Variants in ITPR2 observed in about 807,000 individuals in gnomAD.
ITPR2 encodes the protein inositol 1,4,5-trisphosphate receptor type 2, also known as inositol 1,4,5-trisphosphate-gated calcium channel ITPR2.
A neutral mutation model predicts 317.1 loss-of-function variants in ITPR2; 207 were observed. The observed-to-expected ratio is 0.65, with a 90% CI of 0.58 to 0.73. ITPR2 has a LOEUF of 0.73. Among genes scored for constraint, ITPR2 ranks in the 30% least tolerant of loss-of-function variants. The probability of loss-of-function intolerance (pLI) is 0.00; values close to 1 mark genes in which losing one functional copy is unlikely to be tolerated. For missense variants in ITPR2, 2,613 were observed against 3,284.0 expected, an observed-to-expected ratio of 0.80 and a Z score of 4.99; for synonymous variants, 1,156 against 1,149.1, an observed-to-expected ratio of 1.01 and a Z score of -0.12.
At chr12:26,484,620 A>T (rs1350151809) in intron 41 of ITPR2, among the ~76,000 whole-genome samples, 1 of 152,236 alleles carries the variant, frequency 6.6e-6, no homozygotes, top group Non-Finnish European at 1.5e-5. Context: ...TAGGTACTTC[A>T]ACATGTACCA....
At chr12:26,524,950 G>A (rs985517004) in intron 37 of ITPR2, among the ~76,000 whole-genome samples, 1 of 152,144 alleles carries the variant, frequency 6.6e-6, no homozygotes, top group Non-Finnish European at 1.5e-5. Flanking sequence ...ATTATGGAGT[G>A]AGAACTCAAA....
At chr12:26,561,390 G>C (rs947593046) in intron 35 of ITPR2, among the ~76,000 whole-genome samples, 3 of 152,182 alleles carry the variant, frequency 2.0e-5, no homozygotes, top group African/African-American at 7.2e-5. Flanking sequence ...AGTAATTTGG[G>C]AGCAAGGTGC....
intron 1 of ITPR2, among the ~76,000 whole-genome samples, chr12:26,824,618 G>A (rs1476191323): frequency 6.6e-6 from 1 of 152,048 alleles, no homozygotes; most frequent in Non-Finnish European, 1.5e-5. Flanking sequence ...AGAAATTGAA[G>A]AGTCCTTAAA....
chr12:26,736,321 A>C (rs1949117568), intron 2 of ITPR2, among the ~76,000 whole-genome samples: 1 of 152,180 alleles, frequency 6.6e-6, no homozygotes, highest in Non-Finnish European at 1.5e-5. Context: ...ATACACAGGA[A>C]AGTTGTTGAT....
chr12:26,746,676 T>C (rs1295508437), intron 2 of ITPR2, among the ~76,000 whole-genome samples: 1 of 152,232 alleles, frequency 6.6e-6, no homozygotes, highest in Non-Finnish European at 1.5e-5. Context: ...GTGACTAATT[T>C]ATGCTCACCA....
intron 2 of ITPR2, among the ~76,000 whole-genome samples, chr12:26,727,300 T>C (rs1169338195): frequency 6.6e-6 from 1 of 152,176 alleles, no homozygotes; most frequent in East Asian, 1.9e-4. Flanking sequence ...CTTTTGACTA[T>C]CCTATATTAG....
rs560022260 is a variant in ITPR2, at chr12:26,424,714, T to C, written c.6945+3199A>G. 5.4e-5 allele frequency among the ~76,000 whole-genome samples: 8 copies of C among 149,382 alleles called. No homozygotes were observed. The East Asian group carries it at 1.4e-3, about 27-fold the overall frequency. On this transcript the variant is annotated intron_variant, in intron 49 of 56. Transcript: ENST00000381340. ...AAGCGATTCTCCTGCCTCAGCCTCC[T>C]GAGTAGCTGGGATTACAGGCACGAG...
At chr12:26,666,886 G>C (rs1177413020) in intron 13 of ITPR2, among the ~76,000 whole-genome samples, 1 of 152,066 alleles carries the variant, frequency 6.6e-6, no homozygotes, top group Non-Finnish European at 1.5e-5. Flanking sequence ...TGTGTTAGTC[G>C]ATTGAGGGAG....
intron 1 of ITPR2, among the ~76,000 whole-genome samples, chr12:26,799,890 C>T (rs1346401569): frequency 1.3e-5 from 2 of 152,236 alleles, no homozygotes; most frequent in Admixed American, 1.3e-4. Context: ...ACCTTAACTA[C>T]TACCAGTTCT....
intron 22 of ITPR2, among the ~76,000 whole-genome samples, chr12:26,628,920 T>C (rs2136826199): frequency 6.6e-6 from 1 of 152,346 alleles, no homozygotes; most frequent in African/African-American, 2.4e-5. Flanking sequence ...AGCTGGGATG[T>C]GCTGCAGATC....
chr12:26,447,473 C>A (rs4963998), intron 45 of ITPR2, among the ~76,000 whole-genome samples: 80,970 of 151,498 alleles, frequency 0.53, 23,696 homozygotes, highest in Non-Finnish European at 0.65. Context: ...ATCTTTTTAC[C>A]GCTGAGATTT....
intron 37 of ITPR2, among the ~76,000 whole-genome samples, chr12:26,535,402 C>G (rs932622156): frequency 2.6e-5 from 4 of 152,162 alleles, no homozygotes; most frequent in African/African-American, 9.7e-5. Flanking sequence ...CATTGGTAGA[C>G]AGTGTTGTTA....
chr12:26,622,547 T>G, intron 24 of ITPR2, 142 bp from the exon 25 acceptor site: 1 of 624,910 alleles, frequency 1.6e-6, no homozygotes, highest in Admixed American at 3.5e-5. Context: ...TTTCTTTGTT[T>G]TCCTCATGTA....
chr12:26,484,597 A>G (rs1250736279), intron 41 of ITPR2, among the ~76,000 whole-genome samples: 2 of 152,208 alleles, frequency 1.3e-5, no homozygotes, highest in Non-Finnish European at 2.9e-5. Flanking sequence ...GAATACTGTA[A>G]AACTATAAAA....
intron 23 of ITPR2, among the ~76,000 whole-genome samples, chr12:26,626,472 A>G (rs1474933078): frequency 6.6e-6 from 1 of 152,192 alleles, no homozygotes; most frequent in Admixed American, 6.5e-5. Context: ...CTGACACTTA[A>G]AACTCATGTT....
intron 1 of ITPR2, among the ~76,000 whole-genome samples, chr12:26,794,636 A>G (rs1213494517): frequency 6.6e-6 from 1 of 152,376 alleles, no homozygotes; most frequent in East Asian, 1.9e-4. Flanking sequence ...TAAGTATGAC[A>G]TACACATTAG....
chr12:26,814,602 A>G (rs1950817115), intron 1 of ITPR2, among the ~76,000 whole-genome samples: 1 of 152,246 alleles, frequency 6.6e-6, no homozygotes, highest in African/African-American at 2.4e-5. Flanking sequence ...TTAGCTAAAA[A>G]GAAATATTTT....
chr12:26,488,139 T>C (rs1044457710), intron 39 of ITPR2, among the ~76,000 whole-genome samples: 1 of 152,056 alleles, frequency 6.6e-6, no homozygotes, highest in Non-Finnish European at 1.5e-5. Flanking sequence ...GGTGGGGGAA[T>C]TATAACTTAT....
At chr12:26,729,244 A>G (rs2137057872) in intron 2 of ITPR2, among the ~76,000 whole-genome samples, 1 of 152,346 alleles carries the variant, frequency 6.6e-6, no homozygotes, top group South Asian at 2.1e-4. Flanking sequence ...GAGAAATGCA[A>G]ATCAAAACCA....
Sources: allele counts gnomAD v4.1 joint callset (sites outside exome capture counted in the v4.1 genomes callset), GRCh38; gene constraint gnomAD v4.1.1; transcripts MANE v1.5; gene names NCBI Gene and HGNC (gene_info 2026-07-23, HGNC 2026-07-21).